IL34: variants seen among roughly 807,000 people sequenced by gnomAD.
The protein encoded by IL34 is interleukin-34.
In IL34, 17 loss-of-function variants were observed where a neutral mutation model predicts 25.3. That is an observed-to-expected ratio of 0.67 (90% CI 0.46 to 1.01). IL34 has a LOEUF of 1.01. IL34 is among the 50% of genes least tolerant of loss of function. The pLI is 0.00. For synonymous variants in IL34, 174 were observed against 140.9 expected (o/e 1.23, Z -1.66); for missense variants, 368 against 312.9 (o/e 1.18, Z -1.33).
At chr16:70,614,991 G>C (rs1395780577) in intron 1 of IL34, among the ~76,000 whole-genome samples, 1 of 152,124 alleles carries the variant, frequency 6.6e-6, no homozygotes, top group African/African-American at 2.4e-5. Flanking sequence ...TTTTCTTCCT[G>C]CTCCTGTCCC....
intron 1 of IL34, among the ~76,000 whole-genome samples, chr16:70,631,577 G>T (rs2051518632): frequency 6.6e-6 from 1 of 152,098 alleles, no homozygotes; most frequent in Non-Finnish European, 1.5e-5. Flanking sequence ...TGACCTTTTA[G>T]AGTCTCTGGG....
At chr16:70,652,020 C>G (rs1315874901) in intron 1 of IL34, among the ~76,000 whole-genome samples, 1 of 151,664 alleles carries the variant, frequency 6.6e-6, no homozygotes, top group South Asian at 2.1e-4. Context: ...CCCAGCTACT[C>G]GGGAGGCTGA....
intron 1 of IL34, among the ~76,000 whole-genome samples, chr16:70,613,934 T>TC (rs1018703646): frequency 1.3e-5 from 2 of 151,518 alleles, no homozygotes; most frequent in Non-Finnish European, 2.9e-5. Flanking sequence ...ACCCCTGTAA[T>TC]CCCAGTGCTC....
chr16:70,582,024 G>A (rs2050641207), intron 1 of IL34, among the ~76,000 whole-genome samples: 1 of 152,226 alleles, frequency 6.6e-6, no homozygotes, highest in African/African-American at 2.4e-5. Flanking sequence ...TGCTTAACAA[G>A]CACCCCTGGA....
Position 70,647,125 on chromosome 16 carries a change from G to A in IL34, c.28+150G>A, listed in dbSNP as rs1246115608. 21 of 741,604 alleles carry A rather than the reference G, an allele frequency of 2.8e-5. No individual in the cohort carries two copies. In the South Asian group the frequency reaches 3.0e-4, roughly 10 times the overall value. The allele number at this position is 741,604 out of a possible 1,614,324, so 45.9% of individuals were successfully genotyped here. The stretch of plus-strand genomic sequence containing the variant: ...TGCAGACACCCTCTGAGATTCCCAC[G>A]GCCGCCGTCTGCCCTGTCTGCCGCT... On this transcript the variant is annotated intron_variant, in intron 1 of 5. Coordinates refer to ENST00000288098, the MANE Select transcript of IL34 (RefSeq NM_001393494.1).
chr16:70,604,173 G>A (rs2050962187), intron 1 of IL34, among the ~76,000 whole-genome samples: 1 of 152,212 alleles, frequency 6.6e-6, no homozygotes, highest in Non-Finnish European at 1.5e-5. Flanking sequence ...AGCAAAGCCT[G>A]TAAGCCAGGC....
chr16:70,633,806 A>G lies in IL34; in HGVS notation c.-400-12742A>G, dbSNP rs370848965. Among the ~76,000 whole-genome samples, 14 of 150,410 alleles carry G rather than the reference A, an allele frequency of 9.3e-5. No individual in the cohort carries two copies. In the South Asian group the frequency reaches 3.0e-3, roughly 32 times the overall value. On this transcript the variant is annotated intron_variant, in intron 1 of 6. Coordinates refer to the IL34 transcript ENST00000429149. ...ATTCCTGGTGCTGTGTGGCCTGTGG[A>G]CCTCACTGCAGTTTCTCAATCATCA...
At chr16:70,621,518 C>T (rs556876376) in intron 1 of IL34, among the ~76,000 whole-genome samples, 16 of 152,160 alleles carry the variant, frequency 1.1e-4, no homozygotes, top group African/African-American at 3.6e-4. Flanking sequence ...GACCTGAGGT[C>T]GTAGGTGGAT....
chr16:70,627,687 C>G (rs2051427041), intron 1 of IL34, among the ~76,000 whole-genome samples: 1 of 152,092 alleles, frequency 6.6e-6, no homozygotes, highest in Admixed American at 6.6e-5. Context: ...CCAAGCTGGT[C>G]TCGAGCTCCA....
chr16:70,645,010 G>C (rs978070740), upstream of IL34, among the ~76,000 whole-genome samples: 1 of 141,028 alleles, frequency 7.1e-6, no homozygotes. Context: ...AAGAGGAAGA[G>C]GAGGAAGGAG....
At chr16:70,633,738 AG>A (rs1004603834) in intron 1 of IL34, among the ~76,000 whole-genome samples, 2 of 152,154 alleles carry the variant, frequency 1.3e-5, no homozygotes, top group Non-Finnish European at 2.9e-5. Context: ...TGAAGGCTTG[AG>A]GGGAGGATCT....
At chr16:70,654,487 C>T (rs752759163) in intron 1 of IL34, 51 bp from the exon 2 acceptor site, 12 of 1,544,460 alleles carry the variant, frequency 7.8e-6, no homozygotes, top group South Asian at 2.5e-5. Context: ...TTGTGGACGG[C>T]GTGGATGAGA....
chr16:70,613,591 C>T (rs2051125632), intron 1 of IL34, among the ~76,000 whole-genome samples: 1 of 152,098 alleles, frequency 6.6e-6, no homozygotes, highest in Non-Finnish European at 1.5e-5. Context: ...ATGCAGAGTC[C>T]AGCCAGGAGT....
At chr16:70,592,393 G>A (rs74490160) in intron 1 of IL34, among the ~76,000 whole-genome samples, 2 of 152,192 alleles carry the variant, frequency 1.3e-5, no homozygotes, top group East Asian at 1.9e-4. Flanking sequence ...CTGCCCATGA[G>A]AATCAGGTAG....
Position 70,660,236 on chromosome 16 carries a change from A to G in IL34, c.*49A>G, listed in dbSNP as rs780442530. 7 of 1,487,686 alleles carry G rather than the reference A, an allele frequency of 4.7e-6. No individual in the cohort carries two copies. Among genetic ancestry groups the G allele is most frequent in the Middle Eastern group, 4.5e-4 (2 of 4,462 alleles). The allele number at this position is 1,487,686 out of a possible 1,614,324, so 92.2% of individuals were successfully genotyped here. A position where few individuals can be genotyped will look rare whatever the true frequency, so the allele number is the denominator to read the frequency against. On this transcript the variant is annotated 3_prime_UTR_variant, in exon 6 of 6. Transcript: ENST00000288098. The stretch of plus-strand genomic sequence containing the variant: ...TAGGGGCAGCCAGACCAGCTCCCAC[A>G]GGAGTTCAACTGGGTCTGAGACTTC...
intron 1 of IL34, among the ~76,000 whole-genome samples, chr16:70,618,653 A>C (rs1039737993): frequency 6.6e-6 from 1 of 152,176 alleles, no homozygotes; most frequent in Non-Finnish European, 1.5e-5. Context: ...GCTCTTGTGT[A>C]AGAATTCTGA....
chr16:70,598,717 C>T (rs879436762), intron 1 of IL34, among the ~76,000 whole-genome samples: 3 of 152,004 alleles, frequency 2.0e-5, no homozygotes, highest in Admixed American at 6.6e-5. Flanking sequence ...CCAGCCTGGG[C>T]GACAGAGTGA....
At chr16:70,599,286 T>TTTCA (rs2050872283) in intron 1 of IL34, among the ~76,000 whole-genome samples, 1 of 123,034 alleles carries the variant, frequency 8.1e-6, no homozygotes, top group African/African-American at 3.3e-5. Context: ...TCTTTCTTTC[T>TTTCA]TTCTTTCTTC....
chr16:70,639,982 G>T, intron 1 of IL34, among the ~76,000 whole-genome samples: 1 of 152,146 alleles, frequency 6.6e-6, no homozygotes, highest in South Asian at 2.1e-4. Context: ...AGAGGAACAT[G>T]TTGAAGTGGA....
Sources: allele counts gnomAD v4.1 joint callset (sites outside exome capture counted in the v4.1 genomes callset), GRCh38; gene constraint gnomAD v4.1.1; transcripts MANE v1.5; gene names NCBI Gene and HGNC (gene_info 2026-07-23, HGNC 2026-07-21).